TSPAN16: variants seen among roughly 807,000 people sequenced by gnomAD.
TSPAN16 encodes the protein tetraspanin 16.
In TSPAN16, 23 loss-of-function variants were observed where a neutral mutation model predicts 25.2. That is an observed-to-expected ratio of 0.91 (90% CI 0.66 to 1.29). The LOEUF (loss-of-function observed/expected upper bound fraction) is 1.29. TSPAN16 is among the 50% of genes most tolerant of loss of function. The pLI, the probability that TSPAN16 is intolerant of heterozygous loss-of-function variation, is 0.00. For synonymous variants in TSPAN16, 123 were observed against 124.4 expected, an observed-to-expected ratio of 0.99 and a Z score of 0.08; for missense variants, 272 against 299.9, an observed-to-expected ratio of 0.91 and a Z score of 0.69.
intron 4 of TSPAN16, among the ~76,000 whole-genome samples, chr19:11,303,575 A>AT (rs150599648): frequency 6.7e-5 from 8 of 119,690 alleles, no homozygotes; most frequent in South Asian, 5.0e-4. Flanking sequence ...AAATAAATAA[A>AT]TTAAAAAAAA....
chr19:11,299,682 A>G (rs534377124), intron 3 of TSPAN16, among the ~76,000 whole-genome samples: 2 of 152,282 alleles, frequency 1.3e-5, no homozygotes, highest in Admixed American at 1.3e-4. Flanking sequence ...CATGTGAAAG[A>G]TTGCAAAGAG....
chr19:11,301,061 G>A lies in TSPAN16; in HGVS notation c.343-140G>A, dbSNP rs564406001. Reference sequence around the variant, plus strand: ...CCTTCGTGTGTCTTCCTCTAGCACAGACCCCTGAGCTGAGGGTAGGAAAAA... The same window carrying A: ...CCTTCGTGTGTCTTCCTCTAGCACAAACCCCTGAGCTGAGGGTAGGAAAAA... On this transcript the variant is annotated intron_variant, in intron 3 of 6. Transcript: ENST00000590327. 2.8e-4 allele frequency: 183 copies of A among 660,368 alleles called. 3 individuals carry two copies. Among genetic ancestry groups the A allele is most frequent in the Middle Eastern group, 8.4e-4 (2 of 2,388 alleles). 40.9% of individuals were successfully genotyped at this position (660,368 alleles called of 1,614,324 possible).
At chr19:11,297,554 T>C (rs1335617990) in intron 1 of TSPAN16, among the ~76,000 whole-genome samples, 1 of 151,482 alleles carries the variant, frequency 6.6e-6, no homozygotes, top group African/African-American at 2.5e-5. Context: ...TGGAGTGCAG[T>C]GGCATGATCT....
chr19:11,308,535 A>G (rs967021553), intron 5 of TSPAN16, among the ~76,000 whole-genome samples: 3 of 151,474 alleles, frequency 2.0e-5, no homozygotes, highest in African/African-American at 7.3e-5. Context: ...CAGTAGCGCA[A>G]TCTTGGCTTA....
At chr19:11,305,929 A>G (rs1448888831) in intron 4 of TSPAN16, among the ~76,000 whole-genome samples, 3 of 152,124 alleles carry the variant, frequency 2.0e-5, no homozygotes, top group Non-Finnish European at 4.4e-5. Context: ...TGGGCAAGAA[A>G]CCAATAACTA....
chr19:11,311,289 C>T (rs1183223021), intron 5 of TSPAN16, among the ~76,000 whole-genome samples: 1 of 152,232 alleles, frequency 6.6e-6, no homozygotes, highest in Non-Finnish European at 1.5e-5. Flanking sequence ...GCACCGCCAC[C>T]ATGCCTGGCT....
intron 5 of TSPAN16, among the ~76,000 whole-genome samples, chr19:11,309,290 A>T (rs2080664556): frequency 6.6e-6 from 1 of 152,194 alleles, no homozygotes; most frequent in African/African-American, 2.4e-5. Flanking sequence ...ATGCAGGGAA[A>T]TAGGCCCTGT....
chr19:11,296,472 G>C, intron 1 of TSPAN16, 106 bp downstream of exon 1: 4 of 1,222,844 alleles, frequency 3.3e-6, no homozygotes, highest in Non-Finnish European at 4.8e-6. Flanking sequence ...CGAGATCTGT[G>C]GTTCCCTGGA....
chr19:11,303,603 G>A (rs2080594128), intron 4 of TSPAN16, among the ~76,000 whole-genome samples: 2 of 146,074 alleles, frequency 1.4e-5, no homozygotes, highest in East Asian at 4.0e-4. Context: ...AAAAACTCCT[G>A]GCCTCAAGCG....
At chr19:11,326,707 G>A (rs1456579791) in intron 6 of TSPAN16, 2 of 672,596 alleles carry the variant, frequency 3.0e-6, no homozygotes, top group Non-Finnish European at 5.4e-6. Context: ...GGGCTCAAGC[G>A]ATCCTCCCGC....
chr19:11,299,302 C>G (rs1037228260), intron 3 of TSPAN16, among the ~76,000 whole-genome samples: 1 of 151,476 alleles, frequency 6.6e-6, no homozygotes, highest in Non-Finnish European at 1.5e-5. Flanking sequence ...GATATAGAAC[C>G]AATAGAAGTC....
Position 11,302,680 on chromosome 19 carries a change from C to CACACACATATATATATATATATATATAT in TSPAN16, c.450+1379_450+1380insTATATATATATATATATATATACACACA, listed in dbSNP as rs1599332353. Among the ~76,000 whole-genome samples, 4 of 122,290 alleles carry CACACACATATATATATATATATATATAT rather than the reference C, an allele frequency of 3.3e-5. No individual in the cohort carries two copies. In the East Asian group the frequency reaches 9.2e-4, roughly 28 times the overall value. 80.2% of individuals were successfully genotyped at this position (122,290 alleles called of 152,430 possible). A position where few individuals can be genotyped will look rare whatever the true frequency, so the allele number is the denominator to read the frequency against. On this transcript the variant is annotated intron_variant, in intron 4 of 6. Coordinates refer to ENST00000590327, the MANE Select transcript of TSPAN16 (RefSeq NM_001282509.2). ...ACATACATATATATATATATATATA[C>CACACACATATATATATATATATATATAT]ACACACACACACACACACACACACA...
At position 11,298,908 on chromosome 19, in the gene TSPAN16, G is replaced by T. The variant is rs771024475; in HGVS notation, c.304G>T (p.Val102Phe). 3 of 1,613,976 alleles carry T rather than the reference G, an allele frequency of 1.9e-6. No individual in the cohort carries two copies. Among genetic ancestry groups the T allele is most frequent in the Non-Finnish European group, 2.5e-6 (3 of 1,180,000 alleles). The change falls in exon 3 of 7, where the codon GTT becomes TTT. Residue 102 changes from valine to phenylalanine, a missense_variant. Coordinates refer to ENST00000590327, the MANE Select transcript of TSPAN16 (RefSeq NM_001282509.2). The part of the protein sequence containing the change: ...LSMVIVLIME[V>F]TAATVVLLFF... ...AATGGTTATTGTCCTCATCATGGAA[G>T]TTACAGCTGCCACAGTGGTCCTTCT...
chr19:11,318,217 G>A (rs2080758808), downstream of TSPAN16, among the ~76,000 whole-genome samples: 1 of 151,992 alleles, frequency 6.6e-6, no homozygotes. Context: ...TATAGAGATG[G>A]GGTTTCACCG....
chr19:11,326,824 G>C (rs1228303063), exon 7 of TSPAN16: 1 of 679,604 alleles, frequency 1.5e-6, no homozygotes, highest in South Asian at 1.6e-5. Flanking sequence ...TGCGCAGGCT[G>C]GTCTTGAACT....
chr19:11,315,880 C>T lies in TSPAN16; in HGVS notation c.*42C>T. ...AGATGAGACACCTGGGCCCATCTGGCTGCTGGAGATTCAGTCTCAGTTTTA... is the reference window on the plus strand; with the variant it reads ...AGATGAGACACCTGGGCCCATCTGGTTGCTGGAGATTCAGTCTCAGTTTTA... On this transcript the variant is annotated 3_prime_UTR_variant, in exon 7 of 7. Transcript: ENST00000590327. The T allele has an allele frequency of 8.1e-7, 1 of 1,231,818 alleles. No individual in the cohort carries two copies. Among genetic ancestry groups the T allele is most frequent in the Non-Finnish European group, 1.0e-6 (1 of 987,750 alleles). 76.3% of individuals were successfully genotyped at this position (1,231,818 alleles called of 1,614,324 possible). A position where few individuals can be genotyped will look rare whatever the true frequency, so the allele number is the denominator to read the frequency against.
At chr19:11,316,311 G>A (rs1253588480), downstream of TSPAN16, among the ~76,000 whole-genome samples, 1 of 151,842 alleles carries the variant, frequency 6.6e-6, no homozygotes, top group East Asian at 1.9e-4. Flanking sequence ...GTAGAGATGG[G>A]GTTTCACCAT....
At chr19:11,316,402 A>G (rs2080749970), downstream of TSPAN16, among the ~76,000 whole-genome samples, 3 of 151,886 alleles carry the variant, frequency 2.0e-5, no homozygotes, top group Non-Finnish European at 2.9e-5. Context: ...TTACAGGTGT[A>G]AGCCACTGCA....
intron 4 of TSPAN16, among the ~76,000 whole-genome samples, chr19:11,301,822 T>C (rs2080553381): frequency 7.6e-6 from 1 of 131,540 alleles, no homozygotes; most frequent in East Asian, 2.1e-4. Context: ...AAATGTATCG[T>C]TTAACATTTT....
Sources: gnomAD v4.1 joint callset for allele counts (sites outside exome capture counted in the v4.1 genomes callset) on GRCh38, gnomAD v4.1.1 for gene constraint, MANE v1.5 for transcripts, NCBI Gene and HGNC (gene_info 2026-07-23, HGNC 2026-07-21) for gene names.